The following USP3 variants were observed in gnomAD, a reference collection of about 807,000 sequenced individuals.
The protein encoded by USP3 is ubiquitin carboxyl-terminal hydrolase 3.
USP3 carries 20 observed loss-of-function variants against 72.3 expected under a neutral mutation model. The observed-to-expected ratio is 0.28, with a 90% CI of 0.19 to 0.40. The LOEUF is 0.40. Ranked by LOEUF, USP3 falls within the 10% of genes least tolerant of loss-of-function variation. USP3 has a pLI of 1.00. For synonymous variants in USP3, 222 were observed against 225.3 expected (o/e 0.99, Z 0.13); for missense variants, 479 against 633.9 (o/e 0.76, Z 2.62).
At chr15:63,506,397 TAGG>T (rs754338696) in intron 1 of USP3, among the ~76,000 whole-genome samples, 12 of 151,792 alleles carry the variant, frequency 7.9e-5, no homozygotes, top group East Asian at 5.8e-4. Flanking sequence ...AAGTAAACAC[TAGG>T]AGAAGCCTAC....
At chr15:63,545,992 A>C (rs1402808597) in intron 3 of USP3, among the ~76,000 whole-genome samples, 1 of 151,020 alleles carries the variant, frequency 6.6e-6, no homozygotes, top group Admixed American at 6.6e-5. Flanking sequence ...AAAAAAAAAA[A>C]AAACAGTAGA....
intron 7 of USP3, among the ~76,000 whole-genome samples, chr15:63,561,561 G>GC (rs1035978567): frequency 7.2e-5 from 11 of 152,114 alleles, no homozygotes; most frequent in Non-Finnish European, 1.5e-4. Context: ...GGTGCTCTTT[G>GC]CCCCCCCTGC....
At chr15:63,550,461 T>C (rs2066420665) in intron 3 of USP3, among the ~76,000 whole-genome samples, 1 of 152,212 alleles carries the variant, frequency 6.6e-6, no homozygotes, top group Admixed American at 6.5e-5. Context: ...AAACTGACTT[T>C]TTTATATCTA....
chr15:63,558,015 T>TCA, intron 5 of USP3, 91 bp from the exon 6 acceptor site: 6 of 1,363,220 alleles, frequency 4.4e-6, no homozygotes, highest in Non-Finnish European at 5.2e-6. Flanking sequence ...GGCTTGGTGC[T>TCA]AGATTTCAGA....
intron 8 of USP3, among the ~76,000 whole-genome samples, chr15:63,565,410 T>C (rs936491298): frequency 6.6e-6 from 1 of 152,260 alleles, no homozygotes; most frequent in Admixed American, 6.5e-5. Context: ...TTTCTTAGTA[T>C]GTTCAGCTCT....
chr15:63,536,266 G>C (rs1011035835), intron 2 of USP3, among the ~76,000 whole-genome samples: 5 of 152,072 alleles, frequency 3.3e-5, no homozygotes, highest in African/African-American at 1.2e-4. Context: ...GATTATTCAG[G>C]CATTCAAATA....
intron 3 of USP3, among the ~76,000 whole-genome samples, chr15:63,548,854 C>T (rs756337276): frequency 1.3e-5 from 2 of 151,988 alleles, no homozygotes; most frequent in South Asian, 2.1e-4. Context: ...CCACCACGCC[C>T]GACTATAAAA....
intron 2 of USP3, among the ~76,000 whole-genome samples, chr15:63,533,013 G>C (rs1339831090): frequency 6.6e-6 from 1 of 152,208 alleles, no homozygotes; most frequent in East Asian, 1.9e-4. Flanking sequence ...TTTACCTAAT[G>C]GTTGTTTTTT....
intron 1 of USP3, chr15:63,515,472 G>A (rs2065838937): frequency 6.6e-6 from 1 of 152,242 alleles, no homozygotes; most frequent in South Asian, 2.1e-4. Context: ...AAGTCAGCAG[G>A]ACCAGATGCC....
intron 1 of USP3, chr15:63,530,671 TA>T: frequency 2.5e-6 from 1 of 399,032 alleles, no homozygotes; most frequent in Non-Finnish European, 4.9e-6. Flanking sequence ...AAAATATTCA[TA>T]ATATCTCAGT....
At position 63,570,416 on chromosome 15, in the gene USP3, C is replaced by CT. The variant is rs1217636235; in HGVS notation, c.762-16dup. 1.2e-6 allele frequency: 2 copies of CT among 1,613,868 alleles called. No individual in the cohort carries two copies. The highest frequency in any genetic ancestry group is 2.2e-5 in the East Asian group (1 of 44,876). On this transcript the variant is annotated splice_polypyrimidine_tract_variant and intron_variant, in intron 8 of 14. Transcript: ENST00000380324. This position sits in a 1 kb window ranked among gnomAD's most constrained non-coding sequence, Gnocchi z 4.4. ...GCCCTCCACCCGGCCTTATAAGTGA[C>CT]TGTTTGTTTGCTTTAGGGGCTATCA...
chr15:63,516,642 C>T (rs1025899867), intron 1 of USP3, among the ~76,000 whole-genome samples: 10 of 152,038 alleles, frequency 6.6e-5, no homozygotes, highest in Non-Finnish European at 1.5e-5. Flanking sequence ...TTTCTAGGCT[C>T]CCAGAGTTGC....
intron 11 of USP3, among the ~76,000 whole-genome samples, chr15:63,583,730 A>T (rs1025128631): frequency 1.3e-5 from 2 of 152,148 alleles, no homozygotes; most frequent in Non-Finnish European, 2.9e-5. Context: ...ATCATACTAT[A>T]TTTATCCTTT....
chr15:63,578,725 G>A (rs2066907626), intron 11 of USP3, among the ~76,000 whole-genome samples: 2 of 152,156 alleles, frequency 1.3e-5, no homozygotes, highest in East Asian at 1.9e-4. Flanking sequence ...TGATTTTCCA[G>A]TAAGGCCAGG....
intron 1 of USP3, among the ~76,000 whole-genome samples, chr15:63,510,222 A>G (rs747798136): frequency 2.4e-4 from 36 of 152,152 alleles, no homozygotes; most frequent in Non-Finnish European, 2.4e-4. Flanking sequence ...CCAGTGAGTA[A>G]TTTAGTGTGT....
intron 1 of USP3, among the ~76,000 whole-genome samples, chr15:63,512,340 CTTCCTCCTCTTCCTCT>C (rs2065798299): frequency 1.4e-5 from 1 of 72,282 alleles, no homozygotes. Context: ...TCTTCCTCCT[CTTCCTCCTCTTCCTCT>C]TCTTCTTCTT....
At chr15:63,532,586 G>A (rs2066092571) in intron 1 of USP3, 61 bp from the exon 2 acceptor site, 1 of 1,585,264 alleles carries the variant, frequency 6.3e-7, no homozygotes, top group Admixed American at 1.7e-5. Flanking sequence ...ACAGGAAAAT[G>A]GGGAGAAATT....
intron 8 of USP3, among the ~76,000 whole-genome samples, chr15:63,563,602 C>T (rs1488062711): frequency 6.6e-6 from 1 of 152,196 alleles, no homozygotes; most frequent in African/African-American, 2.4e-5. Context: ...TGCCTTTTCT[C>T]GTAGGTCTGT....
At position 63,553,683 on chromosome 15, in the gene USP3, T is replaced by G; in HGVS notation, c.285-32T>G. On this transcript the variant is annotated intron_variant, in intron 3 of 14. Coordinates refer to ENST00000380324, the MANE Select transcript of USP3 (RefSeq NM_006537.4). This position sits in a 1 kb window ranked among gnomAD's most constrained non-coding sequence, Gnocchi z 4.2. ...TCATTACTGTGGTTTCCTCAAGCTC[T>G]TTACACACATTGATTAATATTTTCC... 6.2e-7 allele frequency: 1 copy of G among 1,602,764 alleles called. No homozygotes were observed. Among genetic ancestry groups the G allele is most frequent in the Non-Finnish European group, 8.5e-7 (1 of 1,173,940 alleles).
Sources: allele counts gnomAD v4.1 joint callset (sites outside exome capture counted in the v4.1 genomes callset), GRCh38; gene constraint gnomAD v4.1.1; non-coding constraint Gnocchi (gnomAD v3.1); transcripts MANE v1.5; gene names NCBI Gene and HGNC (gene_info 2026-07-23, HGNC 2026-07-21).